Variants in CACNA2D2 observed in about 807,000 individuals in gnomAD.
CACNA2D2 encodes the protein voltage-dependent calcium channel subunit alpha-2/delta-2.
In CACNA2D2, 48 loss-of-function variants were observed where a neutral mutation model predicts 166.4. That is an observed-to-expected ratio of 0.29 (90% CI 0.23 to 0.37). The LOEUF is 0.37. CACNA2D2 is among the 10% of genes least tolerant of loss of function. The probability of loss-of-function intolerance (pLI) is 1.00; values close to 1 mark genes in which losing one functional copy is unlikely to be tolerated. For missense variants in CACNA2D2, 1,122 were observed against 1,433.0 expected, an observed-to-expected ratio of 0.78 and a Z score of 3.50; for synonymous variants, 561 against 573.7, an observed-to-expected ratio of 0.98 and a Z score of 0.32.
At chr3:50,393,711 A>G (rs2073496) in intron 4 of CACNA2D2, among the ~76,000 whole-genome samples, 44,041 of 152,178 alleles carry the variant, frequency 0.29, 8,959 homozygotes, top group African/African-American at 0.54. Context: ...AAGGGAAGTC[A>G]GGGAAGGGCA....
intron 1 of CACNA2D2, among the ~76,000 whole-genome samples, chr3:50,493,580 TCA>T (rs1698604063): frequency 6.6e-6 from 1 of 152,140 alleles, no homozygotes; most frequent in African/African-American, 2.4e-5. Flanking sequence ...AGCAGCCGCA[TCA>T]CACACCTGTT....
intron 1 of CACNA2D2, among the ~76,000 whole-genome samples, chr3:50,502,879 C>G (rs1425406540): frequency 2.0e-5 from 3 of 152,272 alleles, no homozygotes; most frequent in Non-Finnish European, 4.4e-5. Flanking sequence ...TCTCACCCAA[C>G]CCGGGTTTCC....
chr3:50,403,985 G>C (rs1410215339), intron 3 of CACNA2D2, among the ~76,000 whole-genome samples: 1 of 152,218 alleles, frequency 6.6e-6, no homozygotes, highest in African/African-American at 2.4e-5. Context: ...CTTGATTCAT[G>C]GATCTGTGTG....
intron 2 of CACNA2D2, among the ~76,000 whole-genome samples, chr3:50,463,358 G>A (rs975999851): frequency 6.6e-6 from 1 of 151,772 alleles, no homozygotes; most frequent in African/African-American, 2.4e-5. Flanking sequence ...CTGGCGTGCA[G>A]AGGCACAATC....
chr3:50,476,713 G>A (rs564974205), intron 1 of CACNA2D2, among the ~76,000 whole-genome samples: 5 of 152,164 alleles, frequency 3.3e-5, no homozygotes, highest in Non-Finnish European at 7.4e-5. Flanking sequence ...TCTCACCTGA[G>A]CAGTGGACGT....
chr3:50,378,168 T>C (rs1033732058), intron 14 of CACNA2D2, 71 bp from the exon 15 acceptor site: 8 of 1,580,570 alleles, frequency 5.1e-6, no homozygotes, highest in African/African-American at 1.3e-5. Flanking sequence ...TCGCCAGGCA[T>C]TGGGATTGTG....
intron 3 of CACNA2D2, among the ~76,000 whole-genome samples, chr3:50,430,829 G>A (rs1034647284): frequency 6.6e-6 from 1 of 152,162 alleles, no homozygotes; most frequent in African/African-American, 2.4e-5. Flanking sequence ...TCCCTAGGTA[G>A]TCAAAGTTCC....
intron 3 of CACNA2D2, among the ~76,000 whole-genome samples, chr3:50,430,812 C>A (rs1320726168): frequency 6.6e-6 from 1 of 152,094 alleles, no homozygotes; most frequent in Non-Finnish European, 1.5e-5. Context: ...GTTCAGAGGC[C>A]CCCATCTCCC....
intron 3 of CACNA2D2, among the ~76,000 whole-genome samples, chr3:50,396,216 C>G (rs762994952): frequency 6.6e-6 from 1 of 152,100 alleles, no homozygotes; most frequent in Non-Finnish European, 1.5e-5. Context: ...GGCCACCCAC[C>G]CTGGCCCCTC....
chr3:50,426,567 G>A (rs919502050), intron 3 of CACNA2D2, among the ~76,000 whole-genome samples: 2 of 152,192 alleles, frequency 1.3e-5, no homozygotes, highest in African/African-American at 4.8e-5. Flanking sequence ...TTCGGTGGCT[G>A]GGTACAGGTG....
intron 6 of CACNA2D2, 72 bp from the exon 7 acceptor site, chr3:50,381,198 C>T: frequency 2.0e-6 from 3 of 1,534,560 alleles, no homozygotes; most frequent in Non-Finnish European, 2.7e-6. Context: ...CCACGACACT[C>T]ATGCCTGTGC....
At chr3:50,374,584 C>T (rs1267231141) in intron 22 of CACNA2D2, among the ~76,000 whole-genome samples, 153 bp downstream of exon 22, 2 of 152,088 alleles carry the variant, frequency 1.3e-5, no homozygotes, top group Admixed American at 6.5e-5. Flanking sequence ...CACAGACTTT[C>T]GAGGTGCCCC....
chr3:50,437,598 G>T (rs1686263135), intron 2 of CACNA2D2, among the ~76,000 whole-genome samples: 1 of 152,150 alleles, frequency 6.6e-6, no homozygotes, highest in Non-Finnish European at 1.5e-5. Context: ...GCCCTGAGCT[G>T]AGCCCCAAAT....
chr3:50,405,368 G>C (rs1330085382), intron 3 of CACNA2D2, among the ~76,000 whole-genome samples: 1 of 140,458 alleles, frequency 7.1e-6, no homozygotes, highest in Non-Finnish European at 1.5e-5. Flanking sequence ...GTGGTGGGGA[G>C]GGGGGTGGGG....
chr3:50,379,314 C>T lies in CACNA2D2; in HGVS notation c.1153-115G>A. On this transcript the variant is annotated intron_variant, in intron 11 of 37. Transcript: ENST00000424201. The surrounding 1 kb of genome is among the most constrained non-coding windows in gnomAD (Gnocchi z 6.5). ...CCCTCCTCCCCCACAGCAGATGGAG[C>T]TATCTGTCCAAGCTGCCTGTTTGGT... 3 of 1,451,710 alleles carry T rather than the reference C, an allele frequency of 2.1e-6. No homozygotes were observed. The highest frequency in any genetic ancestry group is 1.8e-5 in the Admixed American group (1 of 54,802). 89.9% of individuals were successfully genotyped at this position (1,451,710 alleles called of 1,614,324 possible).
chr3:50,462,968 G>A (rs769910641), intron 2 of CACNA2D2, among the ~76,000 whole-genome samples: 14 of 152,138 alleles, frequency 9.2e-5, no homozygotes, highest in Non-Finnish European at 1.8e-4. Flanking sequence ...GAGGAGTCAG[G>A]GACAGGGGAC....
chr3:50,451,071 C>T (rs1709076147), intron 2 of CACNA2D2, among the ~76,000 whole-genome samples: 1 of 152,170 alleles, frequency 6.6e-6, no homozygotes, highest in Admixed American at 6.5e-5. Flanking sequence ...CCCTTAGTGC[C>T]CCCTCCATGG....
In CACNA2D2 at chr3:50,367,721, G is replaced by A. The variant is rs1403267005; in HGVS notation, c.2235-17C>T. On this transcript the variant is annotated splice_polypyrimidine_tract_variant and intron_variant, in intron 25 of 37. Transcript: ENST00000424201. The surrounding 1 kb of genome is among the most constrained non-coding windows in gnomAD (Gnocchi z 6.5). ...AGGCTGTACCTGGGGGTAGCAGGGG[G>A]GTGGGGTCACAGGCCTGCCTTCTGC... 2.5e-6 allele frequency: 4 copies of A among 1,612,166 alleles called. No individual in the cohort carries two copies. The African/African-American group carries it at 4.0e-5, about 16-fold the overall frequency.
chr3:50,365,228 CTGACCCACCCCCATCCTG>C lies in CACNA2D2; in HGVS notation c.3099-62_3099-45del. 6.4e-7 allele frequency: 1 copy of C among 1,551,248 alleles called. No homozygotes were observed. ...GGCGGGGCGTTGAGTTTGCCCCGCC[CTGACCCACCCCCATCCTG>C]CGGCCCCGCCCCCGGCCGCTCGGAG... On this transcript the variant is annotated intron_variant, in intron 35 of 37. Coordinates refer to ENST00000424201, the MANE Select transcript of CACNA2D2 (RefSeq NM_006030.4). The surrounding 1 kb of genome is among the most constrained non-coding windows in gnomAD (Gnocchi z 4.5).
Sources: gnomAD v4.1 joint callset for allele counts (sites outside exome capture counted in the v4.1 genomes callset) on GRCh38, gnomAD v4.1.1 for gene constraint, Gnocchi (gnomAD v3.1) non-coding constraint, MANE v1.5 for transcripts, NCBI Gene and HGNC (gene_info 2026-07-23, HGNC 2026-07-21) for gene names.